Variants in HCN1 observed in about 807,000 individuals in gnomAD.
HCN1 encodes the protein hyperpolarization activated cyclic nucleotide gated potassium channel 1, also known as potassium/sodium hyperpolarization-activated cyclic nucleotide-gated channel 1.
A neutral mutation model predicts 78.9 loss-of-function variants in HCN1; 13 were observed. The ratio of observed to expected loss-of-function variants is 0.16; its 90% CI spans 0.11 to 0.26. The LOEUF is 0.26. Ranked by LOEUF, HCN1 falls within the 10% of genes least tolerant of loss-of-function variation. The pLI is 1.00. For synonymous variants in HCN1, 552 were observed against 455.5 expected (o/e 1.21, Z -2.70); for missense variants, 810 against 1,154.3 (o/e 0.70, Z 4.32).
rs191652580 is a variant in HCN1 at position 45,409,207 on chromosome 5, C to G, written c.1012-12497G>C. On this transcript the variant is annotated intron_variant, in intron 3 of 7. Coordinates refer to ENST00000303230, the MANE Select transcript of HCN1 (RefSeq NM_021072.4). The stretch of plus-strand genomic sequence containing the variant: ...AAAGAGCTAATAAATAATAAGCTTT[C>G]TGTTTTCCAACTGAAAGAGTTTTGT... 9.8e-4 allele frequency among the ~76,000 whole-genome samples: 149 copies of G among 152,082 alleles called. 2 individuals carry two copies. The highest frequency in any genetic ancestry group is 3.4e-3 in the Middle Eastern group (1 of 294).
chr5:45,685,358 C>T (rs1203127930), intron 1 of HCN1, among the ~76,000 whole-genome samples: 4 of 152,166 alleles, frequency 2.6e-5, no homozygotes, highest in Admixed American at 6.5e-5. Context: ...ATGTTCAATA[C>T]GGTAGCATTC....
intron 2 of HCN1, among the ~76,000 whole-genome samples, chr5:45,489,181 C>T (rs560259728): frequency 2.6e-5 from 4 of 152,060 alleles, no homozygotes; most frequent in South Asian, 2.1e-4. Flanking sequence ...GATTTCTAAG[C>T]GAAGATGCCA....
At chr5:45,479,640 A>C (rs1171774236) in intron 2 of HCN1, among the ~76,000 whole-genome samples, 2 of 152,152 alleles carry the variant, frequency 1.3e-5, no homozygotes, top group African/African-American at 4.8e-5. Context: ...TAGGTTTCTA[A>C]TTGTGGTATT....
intron 2 of HCN1, among the ~76,000 whole-genome samples, chr5:45,500,195 T>A (rs1742160720): frequency 1.3e-5 from 2 of 152,110 alleles, no homozygotes; most frequent in East Asian, 3.9e-4. Flanking sequence ...TTTCTTATTT[T>A]AAAATTAATA....
intron 2 of HCN1, among the ~76,000 whole-genome samples, chr5:45,588,704 T>C (rs1435793010): frequency 6.6e-6 from 1 of 152,174 alleles, no homozygotes; most frequent in Middle Eastern, 3.2e-3. Flanking sequence ...CACCGACTAC[T>C]CACCAGGCTA....
intron 2 of HCN1, among the ~76,000 whole-genome samples, chr5:45,507,184 G>C (rs1007057346): frequency 1.3e-5 from 2 of 152,164 alleles, no homozygotes; most frequent in Non-Finnish European, 2.9e-5. Context: ...AGGAAATTTA[G>C]ATTTCCCATT....
At chr5:45,329,825 G>C (rs944505129) in intron 5 of HCN1, among the ~76,000 whole-genome samples, 1 of 151,316 alleles carries the variant, frequency 6.6e-6, no homozygotes, top group Admixed American at 6.6e-5. Context: ...AAGAGGTACT[G>C]TGACTTATGG....
intron 6 of HCN1, among the ~76,000 whole-genome samples, chr5:45,272,906 G>T (rs1744986493): frequency 6.6e-6 from 1 of 152,010 alleles, no homozygotes; most frequent in Admixed American, 6.6e-5. Context: ...GTTTACAGAT[G>T]CAAGCTTTTT....
chr5:45,444,252 A>G (rs906663965), intron 3 of HCN1, among the ~76,000 whole-genome samples: 8 of 152,272 alleles, frequency 5.3e-5, no homozygotes, highest in African/African-American at 1.9e-4. Flanking sequence ...CTAATCTGTC[A>G]CAGTCTTTAT....
intron 2 of HCN1, among the ~76,000 whole-genome samples, chr5:45,518,090 A>G (rs1292445009): frequency 6.6e-6 from 1 of 152,102 alleles, no homozygotes; most frequent in Non-Finnish European, 1.5e-5. Context: ...TAAAAGGTGC[A>G]AAGTGTAAGT....
At position 45,496,764 on chromosome 5, in the gene HCN1, C is replaced by G. The variant is rs1166613715; in HGVS notation, c.850-34757G>C. Among the ~76,000 whole-genome samples the G allele has an allele frequency of 2.0e-5, 3 of 152,042 alleles. No homozygotes were observed. In the East Asian group the frequency reaches 5.8e-4, roughly 29 times the overall value. The stretch of plus-strand genomic sequence containing the variant: ...TCTGCTAGCTTTTGAATGTGTTGCT[C>G]TTGCTTTTCTAGTTCTTCTAATCGT... On this transcript the variant is annotated intron_variant, in intron 2 of 7. Transcript: ENST00000303230.
chr5:45,580,951 A>G (rs930206514), intron 2 of HCN1, among the ~76,000 whole-genome samples: 4 of 152,024 alleles, frequency 2.6e-5, no homozygotes, highest in Non-Finnish European at 4.4e-5. Flanking sequence ...TGGACATTTG[A>G]GTTGGTTCCA....
intron 5 of HCN1, among the ~76,000 whole-genome samples, chr5:45,337,728 C>A (rs1746493266): frequency 1.3e-5 from 2 of 151,944 alleles, no homozygotes; most frequent in South Asian, 4.1e-4. Flanking sequence ...AATATGCATA[C>A]AACAAAAACA....
intron 5 of HCN1, among the ~76,000 whole-genome samples, chr5:45,332,731 A>C (rs750306924): frequency 1.3e-5 from 2 of 151,670 alleles, no homozygotes; most frequent in African/African-American, 2.4e-5. Flanking sequence ...AAAAGTGAGA[A>C]TATGTGAGGT....
intron 2 of HCN1, among the ~76,000 whole-genome samples, chr5:45,570,391 T>C (rs1743801420): frequency 6.6e-6 from 1 of 152,148 alleles, no homozygotes; most frequent in African/African-American, 2.4e-5. Flanking sequence ...ATCATCTCCA[T>C]GTTTATTAGG....
At position 45,262,011 on chromosome 5, in the gene HCN1, A is replaced by G; in HGVS notation, c.2583T>C (p.Pro861=). The G allele has an allele frequency of 6.2e-7, 1 of 1,613,762 alleles. No homozygotes were observed. Among genetic ancestry groups the G allele is most frequent in the Non-Finnish European group, 8.5e-7 (1 of 1,179,956 alleles). ...CTCTTGGAAGAGCAGCTGCTGGTGG[A>G]GGGGGTGCTGGAGGGACTCCTCGGT... The part of the protein sequence containing the change: ...PPNRGVPPAP[P]PPAAALPRES... Residue 861 remains proline, a synonymous_variant, in exon 8 of 8, where the codon CCT becomes CCC. Transcript: ENST00000303230.
chr5:45,270,954 A>G (rs1221775107), intron 6 of HCN1, among the ~76,000 whole-genome samples: 4 of 152,108 alleles, frequency 2.6e-5, no homozygotes, highest in Admixed American at 2.6e-4. Context: ...GATCTCATAT[A>G]ATGAATATAT....
chr5:45,563,265 C>T (rs1179370453), intron 2 of HCN1, among the ~76,000 whole-genome samples: 1 of 151,964 alleles, frequency 6.6e-6, no homozygotes, highest in African/African-American at 2.4e-5. Flanking sequence ...GCCTGGCCAA[C>T]ATGGTGAAAA....
chr5:45,373,724 T>A (rs1209374392), intron 4 of HCN1, among the ~76,000 whole-genome samples: 1 of 121,228 alleles, frequency 8.2e-6, no homozygotes, highest in Non-Finnish European at 1.7e-5. Context: ...TATATTACGG[T>A]ATATACGTCA....
Sources: allele counts gnomAD v4.1 joint callset (sites outside exome capture counted in the v4.1 genomes callset), GRCh38; gene constraint gnomAD v4.1.1; transcripts MANE v1.5; gene names NCBI Gene and HGNC (gene_info 2026-07-23, HGNC 2026-07-21).